Variants in BCORL1 observed in about 807,000 individuals in gnomAD.
BCORL1 encodes BCL-6 corepressor-like protein 1.
In BCORL1, 7 loss-of-function variants were observed where a neutral mutation model predicts 87.6. The ratio of observed to expected loss-of-function variants is 0.08; its 90% CI spans 0.05 to 0.15. BCORL1 has a LOEUF of 0.15. BCORL1 is among the 10% of genes least tolerant of loss of function. The pLI, the probability that BCORL1 is intolerant of heterozygous loss-of-function variation, is 1.00. For missense variants in BCORL1, 1,215 were observed against 1,499.7 expected (o/e 0.81, Z 3.13); for synonymous variants, 591 against 634.4 (o/e 0.93, Z 1.03).
At chrX:130,012,833 TC>T (rs1929068252) in intron 3 of BCORL1, 116 bp from the exon 4 acceptor site, 7 of 1,097,155 alleles carry the variant, frequency 6.4e-6, no homozygotes, top group Admixed American at 2.7e-5. Flanking sequence ...CTCTGCGTCT[TC>T]CGAGACCTGG....
Position 130,015,013 on chromosome X carries a change from G to A in BCORL1, c.2241G>A (p.Lys747=). The change falls in exon 4 of 14, where the codon AAG becomes AAA. Residue 747 remains lysine (K), a synonymous_variant. Coordinates refer to ENST00000540052, the MANE Select transcript of BCORL1 (RefSeq NM_001379451.1). The part of the protein sequence containing the change: ...GLNRDPRHLP[K]QEPISIIDQG... ...ACCGTGACCCCCGCCATCTCCCCAA[G>A]CAGGAGCCCATCTCCATCATTGATC... 3 of 1,211,884 alleles carry A rather than the reference G, an allele frequency of 2.5e-6. No individual in the cohort carries two copies. Among genetic ancestry groups the A allele is most frequent in the Non-Finnish European group, 3.3e-6 (3 of 895,562 alleles).
At chrX:130,009,358 G>T (rs1013759660) in intron 2 of BCORL1, among the ~76,000 whole-genome samples, 1 of 110,227 alleles carries the variant, frequency 9.1e-6, no homozygotes, top group African/African-American at 3.3e-5. Flanking sequence ...CCAGCTACTC[G>T]GGAGGCTCAG....
chrX:130,038,157 C>T (rs2124534793), intron 10 of BCORL1, among the ~76,000 whole-genome samples: 1 of 111,769 alleles, frequency 8.9e-6, no homozygotes, highest in African/African-American at 3.2e-5. Flanking sequence ...TCCCTCAACT[C>T]ATCCTGGTGG....
chrX:130,049,401 G>C (rs1931950381), intron 11 of BCORL1, among the ~76,000 whole-genome samples: 1 of 112,049 alleles, frequency 8.9e-6, no homozygotes, highest in Non-Finnish European at 1.9e-5. Context: ...CTGTCACCCA[G>C]GCTGGAGTAC....
At position 130,028,878 on chromosome X, in the gene BCORL1, G is replaced by T. The variant is rs376638549; in HGVS notation, c.4305+17G>T. On this transcript the variant is annotated intron_variant, in intron 8 of 13. Coordinates refer to ENST00000540052, the MANE Select transcript of BCORL1 (RefSeq NM_001379451.1). ...GAGGCAAAGGTGTGTAGCTATCAAG[G>T]GGTATTGTAGAAGGTGTGTGTGGCG... 3.5e-6 allele frequency: 4 copies of T among 1,131,074 alleles called. No homozygotes were observed. Among genetic ancestry groups the T allele is most frequent in the Non-Finnish European group, 4.8e-6 (4 of 837,026 alleles). 93.2% of individuals were successfully genotyped at this position (1,131,074 alleles called of 1,213,427 possible).
At chrX:129,998,454 C>T (rs1252309878) in intron 1 of BCORL1, among the ~76,000 whole-genome samples, 3 of 111,732 alleles carry the variant, frequency 2.7e-5, no homozygotes, top group African/African-American at 6.5e-5. Context: ...GCAGCGCTTA[C>T]GAAGTGTGGC....
rs1213156086 is a variant in BCORL1 at position 129,999,297 on chromosome X, C to CTTT, written c.-44-5864_-44-5862dup. On this transcript the variant is annotated intron_variant, in intron 1 of 13. Coordinates refer to ENST00000540052, the MANE Select transcript of BCORL1 (RefSeq NM_001379451.1). ...ACTTGTACTTTGTGTTGAAACACAT[C>CTTT]TTTTTTTTTTTTTTTTTTTTTTTTT... 1.2e-3 allele frequency among the ~76,000 whole-genome samples: 48 copies of CTTT among 39,105 alleles called. 3 individuals carry two copies. The highest frequency in any genetic ancestry group is 2.8e-3 in the African/African-American group (25 of 8,883). The allele number at this position is 39,105 out of a possible 115,157, so 34.0% of individuals were successfully genotyped here. A position where few individuals can be genotyped will look rare whatever the true frequency, so the allele number is the denominator to read the frequency against.
Position 130,016,054 on chromosome X carries a change from A to C in BCORL1, c.3282A>C (p.Glu1094Asp). 8.3e-7 allele frequency: 1 copy of C among 1,211,743 alleles called. No individual in the cohort carries two copies. Among genetic ancestry groups the C allele is most frequent in the Non-Finnish European group, 1.1e-6 (1 of 895,550 alleles). The part of the protein sequence containing the change: ...AKAGQARVKQ[E>D]SVGVFACKNK... The stretch of plus-strand genomic sequence containing the variant: ...CCGGGCAGGCTCGAGTGAAACAGGA[A>C]AGCGTAGGGGTCTTTGCTTGCAAGA... Residue 1094 changes from glutamate (E) to aspartate (D), a missense_variant, in exon 4 of 14, where the codon GAA (glutamate) becomes GAC (aspartate). Coordinates refer to ENST00000540052, the MANE Select transcript of BCORL1 (RefSeq NM_001379451.1).
At chrX:129,984,258 C>T (rs1181521151) in intron 1 of BCORL1, among the ~76,000 whole-genome samples, 1 of 101,322 alleles carries the variant, frequency 9.9e-6, no homozygotes, top group Non-Finnish European at 2.0e-5. Flanking sequence ...GGGCGGGGAA[C>T]GGAGGCCAAA....
intron 1 of BCORL1, among the ~76,000 whole-genome samples, chrX:129,990,527 G>A (rs936450490): frequency 2.7e-5 from 3 of 111,763 alleles, no homozygotes; most frequent in Admixed American, 9.5e-5. Context: ...CACTGTGCCC[G>A]GCCCTATTAT....
intron 1 of BCORL1, among the ~76,000 whole-genome samples, chrX:129,984,588 G>T (rs1276857621): frequency 9.0e-6 from 1 of 111,615 alleles, no homozygotes; most frequent in Non-Finnish European, 1.9e-5. Flanking sequence ...CCTCGCCGGG[G>T]TCCCGCCGAG....
intron 2 of BCORL1, among the ~76,000 whole-genome samples, chrX:130,011,608 T>A (rs1169014991): frequency 4.9e-5 from 2 of 41,040 alleles, no homozygotes; most frequent in African/African-American, 6.2e-4. Context: ...TCTCCCTTTT[T>A]TTTTTTGTCA....
chrX:129,984,446 G>C (rs1926433044), intron 1 of BCORL1, among the ~76,000 whole-genome samples: 1 of 111,348 alleles, frequency 9.0e-6, no homozygotes, highest in Admixed American at 9.3e-5. Context: ...GGAGAAGGAA[G>C]GGGGGTGTGG....
Position 130,022,741 on chromosome X carries a change from C to T in BCORL1, c.3608-156C>T, listed in dbSNP as rs145661016. ...ACAAGAGACACATATGTGATGGCCA[C>T]GTAAGGGGAGTGAATAAATGTAACC... On this transcript the variant is annotated intron_variant, in intron 5 of 13. Transcript: ENST00000540052. 3.9e-3 allele frequency among the ~76,000 whole-genome samples: 435 copies of T among 112,412 alleles called. 1 individual carries two copies. The highest frequency in any genetic ancestry group is 4.7e-3 in the Non-Finnish European group (249 of 53,270).
chrX:130,013,531 A>T lies in BCORL1; in HGVS notation c.759A>T (p.Ala253=), dbSNP rs760484986. 8 of 1,206,855 alleles carry T rather than the reference A, an allele frequency of 6.6e-6. No individual in the cohort carries two copies. The highest frequency in any genetic ancestry group is 8.9e-6 in the Non-Finnish European group (8 of 894,328). The change falls in exon 4 of 14, where the codon GCA becomes GCT. Residue 253 remains alanine, a synonymous_variant. Transcript: ENST00000540052. ...TTCCAGCTCCTTCCCCTCCCTTAGC[A>T]CCTGTCCCGGCTCTGGCTCCAGCGC... is the stretch of plus-strand genomic sequence containing the variant. ...TSVPAPSPPL[A]PVPALAPAPP... is the part of the protein sequence containing the mutation.
At chrX:130,039,736 T>C (rs187094277) in intron 11 of BCORL1, among the ~76,000 whole-genome samples, 3 of 113,212 alleles carry the variant, frequency 2.6e-5, no homozygotes, top group Non-Finnish European at 5.6e-5. Context: ...CTGGGATGCT[T>C]CCCGAAGCTT....
chrX:130,039,442 T>C (rs1387018352), intron 11 of BCORL1, among the ~76,000 whole-genome samples, 160 bp downstream of exon 11: 1 of 112,395 alleles, frequency 8.9e-6, no homozygotes, highest in Admixed American at 9.4e-5. Context: ...AGAATCTCAG[T>C]TTGCTTGAAA....
At chrX:130,038,659 T>A (rs1931109279) in intron 10 of BCORL1, among the ~76,000 whole-genome samples, 1 of 111,167 alleles carries the variant, frequency 9.0e-6, no homozygotes, top group Non-Finnish European at 1.9e-5. Context: ...TTTTTGGATT[T>A]TTAGTAGAGA....
At chrX:130,027,616 C>G (rs958290395) in intron 7 of BCORL1, among the ~76,000 whole-genome samples, 2 of 112,793 alleles carry the variant, frequency 1.8e-5, no homozygotes, top group Non-Finnish European at 3.7e-5. Context: ...ACGGGCATGG[C>G]TCCACCTCAA....
Sources: gnomAD v4.1 joint callset for allele counts (sites outside exome capture counted in the v4.1 genomes callset) on GRCh38, gnomAD v4.1.1 for gene constraint, MANE v1.5 for transcripts, NCBI Gene and HGNC (gene_info 2026-07-23, HGNC 2026-07-21) for gene names.